The following TMED8 variants were observed in gnomAD, a reference collection of about 807,000 sequenced individuals.
The protein encoded by TMED8 is protein TMED8.
In TMED8, 15 loss-of-function variants were observed where a neutral mutation model predicts 32.7. The observed-to-expected ratio is 0.46, with a 90% CI of 0.31 to 0.71. TMED8 has a LOEUF of 0.71. Among genes scored for constraint, TMED8 ranks in the 30% least tolerant of loss-of-function variants. The pLI, the probability that TMED8 is intolerant of heterozygous loss-of-function variation, is 0.06. For synonymous variants in TMED8, 147 were observed against 161.4 expected, an observed-to-expected ratio of 0.91 and a Z score of 0.68; for missense variants, 390 against 423.9, an observed-to-expected ratio of 0.92 and a Z score of 0.70.
At position 77,341,554 on chromosome 14, in the gene TMED8, A is replaced by G. The variant is rs796685373; in HGVS notation, c.*217T>C. 5 of 581,678 alleles carry G rather than the reference A, an allele frequency of 8.6e-6. No individual in the cohort carries two copies. Among genetic ancestry groups the G allele is most frequent in the African/African-American group, 5.6e-5 (3 of 53,560 alleles). The allele number at this position is 581,678 out of a possible 1,614,324, so 36.0% of individuals were successfully genotyped here. On this transcript the variant is annotated 3_prime_UTR_variant, in exon 6 of 6. Coordinates refer to ENST00000216468, the MANE Select transcript of TMED8 (RefSeq NM_213601.3). Reference sequence around the variant, plus strand: ...TGCTGGAGTCTGAAGCAAGAAGGGTATGAGTCAGGGACTACAGAACAGGGG... The same window carrying G: ...TGCTGGAGTCTGAAGCAAGAAGGGTGTGAGTCAGGGACTACAGAACAGGGG...
chr14:77,343,693 TCA>T lies in TMED8; in HGVS notation c.454+2_454+3del, dbSNP rs1168636442. 3.1e-6 allele frequency: 5 copies of T among 1,614,198 alleles called. No homozygotes were observed. The highest frequency in any genetic ancestry group is 4.2e-6 in the Non-Finnish European group (5 of 1,180,018). Reference sequence around the variant, plus strand: ...ACCACCTCCTTTACTCCCAAAGGTCTCACCTTTCCTGTGGTCCCCCAGAAGAT... The same window carrying T: ...ACCACCTCCTTTACTCCCAAAGGTCTCCTTTCCTGTGGTCCCCCAGAAGAT... On this transcript the variant is annotated splice_donor_variant and splice_donor_region_variant and intron_variant, in intron 4 of 5. Transcript: ENST00000216468. LOFTEE classifies it high-confidence loss of function.
chr14:77,372,923 TATATATATATATATATATA>T (rs1893708678), intron 1 of TMED8, among the ~76,000 whole-genome samples: 1 of 25,810 alleles, frequency 3.9e-5, no homozygotes, highest in Admixed American at 3.4e-4. Context: ...TATATATATA[TATATATATATATATATATA>T]TATATATATA....
chr14:77,342,288 C>G (rs560646043), intron 5 of TMED8, among the ~76,000 whole-genome samples: 1 of 152,200 alleles, frequency 6.6e-6, no homozygotes, highest in South Asian at 2.1e-4. Flanking sequence ...GAGGAGCCTT[C>G]CTAGCTTCAG....
rs150635138 is a variant in TMED8 at position 77,358,652 on chromosome 14, G to C, written c.119-6901C>G. On this transcript the variant is annotated intron_variant, in intron 1 of 5. Transcript: ENST00000216468. ...TTCTATATTTGTATTTTTCGGTCTT[G>C]TTGTGGAAAATCCTGGATCTTAATA... 8.1e-4 allele frequency among the ~76,000 whole-genome samples: 124 copies of C among 152,226 alleles called. 1 individual carries two copies. Among genetic ancestry groups the C allele is most frequent in the African/African-American group, 2.8e-3 (116 of 41,534 alleles).
At chr14:77,371,959 G>A (rs755090646) in intron 1 of TMED8, among the ~76,000 whole-genome samples, 13 of 152,056 alleles carry the variant, frequency 8.5e-5, no homozygotes, top group South Asian at 2.1e-4. Context: ...TAGTAATATC[G>A]TAGGTATTAT....
At position 77,376,688 on chromosome 14, in the gene TMED8, G is replaced by A. The variant is rs111743493; in HGVS notation, c.118+248C>T. ...CAGAGCCACCCTGTCACTACCATTT[G>A]GGCAGATCTCAGAAAGGAAGCGGGG... On this transcript the variant is annotated intron_variant, in intron 1 of 5. Coordinates refer to ENST00000216468, the MANE Select transcript of TMED8 (RefSeq NM_213601.3). The surrounding 1 kb of genome is among the most constrained non-coding windows in gnomAD (Gnocchi z 4.0). 22 of 301,002 alleles carry A rather than the reference G, an allele frequency of 7.3e-5. No individual in the cohort carries two copies. Among genetic ancestry groups the A allele is most frequent in the African/African-American group, 3.9e-4 (18 of 45,820 alleles). The allele number at this position is 301,002 out of a possible 1,614,324, so 18.6% of individuals were successfully genotyped here. A position where few individuals can be genotyped will look rare whatever the true frequency, so the allele number is the denominator to read the frequency against.
At chr14:77,359,842 G>GA (rs1594849593) in intron 1 of TMED8, 2 of 182,060 alleles carry the variant, frequency 1.1e-5, no homozygotes, top group South Asian at 1.3e-4. Flanking sequence ...CTGACAGTGA[G>GA]AAAAAATTTA....
At chr14:77,373,330 A>G (rs1042416641) in intron 1 of TMED8, among the ~76,000 whole-genome samples, 1 of 152,034 alleles carries the variant, frequency 6.6e-6, no homozygotes, top group Non-Finnish European at 1.5e-5. Context: ...AAAAACAAAA[A>G]AACCTGCCTT....
At position 77,348,740 on chromosome 14, in the gene TMED8, CT is replaced by C. The variant is rs918708080; in HGVS notation, c.198-2263del. Among the ~76,000 whole-genome samples the C allele has an allele frequency of 2.1e-5, 3 of 143,924 alleles. No individual in the cohort carries two copies. The Admixed American group carries it at 2.2e-4, about 10-fold the overall frequency. The allele number at this position is 143,924 out of a possible 152,430, so 94.4% of individuals were successfully genotyped here. On this transcript the variant is annotated intron_variant, in intron 2 of 5. Transcript: ENST00000216468. ...TAGAGTTTATTAGTTTGTTTCTTTT[CT>C]TTTTTAACATAAACAAGAAGAATCA...
intron 2 of TMED8, among the ~76,000 whole-genome samples, chr14:77,347,385 C>A (rs1294372851): frequency 1.3e-5 from 2 of 152,218 alleles, no homozygotes; most frequent in Non-Finnish European, 2.9e-5. Flanking sequence ...GGGGTCATCA[C>A]TTTCTCTCCT....
Position 77,365,212 on chromosome 14 carries a change from A to T in TMED8, c.118+11724T>A, listed in dbSNP as rs115404479. 9.6e-3 allele frequency among the ~76,000 whole-genome samples: 1,464 copies of T among 152,308 alleles called. 14 individuals are homozygous for T. The highest frequency in any genetic ancestry group is 0.034 in the African/African-American group (1,397 of 41,572). ...AATTTGAGTTAATGACTTTGCCTAAATTCAACAGAACTTTACTGGACCCCT... is the reference window on the plus strand; with the variant it reads ...AATTTGAGTTAATGACTTTGCCTAATTTCAACAGAACTTTACTGGACCCCT... On this transcript the variant is annotated intron_variant, in intron 1 of 5. Transcript: ENST00000216468.
At position 77,337,566 on chromosome 14, in the gene TMED8, T is replaced by C. The variant is rs1892791976; in HGVS notation, c.*4205A>G. 2 of 152,184 alleles carry C rather than the reference T, an allele frequency of 1.3e-5. No individual in the cohort carries two copies. Among genetic ancestry groups the C allele is most frequent in the African/African-American group, 2.4e-5 (1 of 41,426 alleles). The allele number at this position is 152,184 out of a possible 1,614,324, so 9.4% of individuals were successfully genotyped here. Reference sequence around the variant, plus strand: ...CACCACGCCCAGCTAATTTTTTGTATTTTTAGTAGCGACGGAGTTTCACTA... The same window carrying C: ...CACCACGCCCAGCTAATTTTTTGTACTTTTAGTAGCGACGGAGTTTCACTA... On this transcript the variant is annotated 3_prime_UTR_variant, in exon 6 of 6. Coordinates refer to ENST00000216468, the MANE Select transcript of TMED8 (RefSeq NM_213601.3).
At chr14:77,363,697 A>G (rs1024226872) in intron 1 of TMED8, among the ~76,000 whole-genome samples, 7 of 151,692 alleles carry the variant, frequency 4.6e-5, no homozygotes, top group African/African-American at 1.7e-4. Context: ...AAATAGCCTA[A>G]CATTATTCCT....
At chr14:77,345,938 C>T (rs1405166624) in intron 3 of TMED8, among the ~76,000 whole-genome samples, 1 of 136,058 alleles carries the variant, frequency 7.3e-6, no homozygotes, top group Non-Finnish European at 1.5e-5. Context: ...CACTGCACTC[C>T]AGCCTGGGCG....
intron 1 of TMED8, among the ~76,000 whole-genome samples, chr14:77,373,810 T>C (rs1893752081): frequency 6.6e-6 from 1 of 152,152 alleles, no homozygotes. Flanking sequence ...CATGAATGAT[T>C]TGGCATCATC....
chr14:77,351,294 GTC>G, intron 2 of TMED8, among the ~76,000 whole-genome samples: 1 of 150,946 alleles, frequency 6.6e-6, no homozygotes, highest in East Asian at 2.0e-4. Context: ...AGACCAGCCT[GTC>G]CAATATGATG....
intron 1 of TMED8, among the ~76,000 whole-genome samples, chr14:77,370,223 A>G (rs1184923201): frequency 6.6e-6 from 1 of 152,306 alleles, no homozygotes; most frequent in East Asian, 1.9e-4. Context: ...TTGATTAATA[A>G]TATCAGTTTA....
At chr14:77,372,060 C>T (rs145876471) in intron 1 of TMED8, among the ~76,000 whole-genome samples, 2 of 152,246 alleles carry the variant, frequency 1.3e-5, no homozygotes, top group African/African-American at 4.8e-5. Flanking sequence ...TAACGGTATT[C>T]TCCAGTGTGG....
At chr14:77,355,816 G>A (rs374770451) in intron 1 of TMED8, among the ~76,000 whole-genome samples, 1 of 152,154 alleles carries the variant, frequency 6.6e-6, no homozygotes, top group African/African-American at 2.4e-5. Flanking sequence ...ATTGGTTTCC[G>A]GTGAGCACCT....
Sources: allele counts gnomAD v4.1 joint callset (sites outside exome capture counted in the v4.1 genomes callset), GRCh38; gene constraint gnomAD v4.1.1; non-coding constraint Gnocchi (gnomAD v3.1); transcripts MANE v1.5; gene names NCBI Gene and HGNC (gene_info 2026-07-23, HGNC 2026-07-21).